Variants in DNAJC1 observed in about 807,000 individuals in gnomAD.
The protein encoded by DNAJC1 is DnaJ heat shock protein family (Hsp40) member C1, also known as dnaJ homolog subfamily C member 1.
Under a neutral mutation model 76.6 loss-of-function variants are expected in DNAJC1, and 58 were observed. The ratio of observed to expected loss-of-function variants is 0.76; its 90% CI spans 0.61 to 0.94. The LOEUF (loss-of-function observed/expected upper bound fraction) is 0.94, where lower values mean the gene tolerates loss of function less well. Ranked by LOEUF, DNAJC1 falls within the 40% of genes least tolerant of loss-of-function variation. The probability of loss-of-function intolerance (pLI) is 0.00; values close to 1 mark genes in which losing one functional copy is unlikely to be tolerated. For missense variants in DNAJC1, 689 were observed against 677.3 expected, an observed-to-expected ratio of 1.02 and a Z score of -0.19; for synonymous variants, 258 against 267.9, an observed-to-expected ratio of 0.96 and a Z score of 0.36.
intron 11 of DNAJC1, among the ~76,000 whole-genome samples, chr10:21,757,762 G>A (rs1834193264): frequency 6.6e-6 from 1 of 152,218 alleles, no homozygotes; most frequent in South Asian, 2.1e-4. Flanking sequence ...CCAGGCCCAG[G>A]CTCCGGGACA....
chr10:21,759,412 C>A lies in DNAJC1; in HGVS notation c.1354G>T (p.Glu452Ter). 1 of 1,614,172 alleles carries A rather than the reference C, an allele frequency of 6.2e-7. No individual in the cohort carries two copies. Among genetic ancestry groups the A allele is most frequent in the Non-Finnish European group, 8.5e-7 (1 of 1,180,038 alleles). Residue 452 changes from glutamate to a stop codon, truncating the protein, a stop_gained, in exon 11 of 12, where the codon GAG becomes TAG. Transcript: ENST00000376980. LOFTEE classifies it high-confidence loss of function. Reference protein sequence around the residue: ...PRRRKPARLLEATAKPEPEEK... With the variant: ...PRRRKPARLL ...TCTGGCTCCGGCTTCGCTGTAGCCT[C>A]CAGCAGCCTGGCTGGCTTCCGCCTC...
At chr10:21,769,740 G>A (rs114733774) in intron 9 of DNAJC1, among the ~76,000 whole-genome samples, 6,771 of 152,184 alleles carry the variant, frequency 0.044, 496 homozygotes, top group African/African-American at 0.15. Flanking sequence ...AGGCTGGAGT[G>A]CAATGGAGCG....
intron 8 of DNAJC1, among the ~76,000 whole-genome samples, chr10:21,820,741 T>C (rs1835145910): frequency 6.6e-6 from 1 of 152,228 alleles, no homozygotes; most frequent in South Asian, 2.1e-4. Flanking sequence ...GGGGTTCCCA[T>C]GACCCCCTCT....
intron 1 of DNAJC1, among the ~76,000 whole-genome samples, chr10:21,955,540 T>G (rs1454907137): frequency 6.6e-6 from 1 of 152,082 alleles, no homozygotes; most frequent in African/African-American, 2.4e-5. Flanking sequence ...TTCATTTTTC[T>G]AATAACAAAA....
chr10:21,882,233 C>T (rs375951584), intron 8 of DNAJC1, 49 bp downstream of exon 8: 12 of 1,526,134 alleles, frequency 7.9e-6, no homozygotes, highest in Admixed American at 4.5e-5. Flanking sequence ...ATTTTATGTG[C>T]TTTTCTGTAC....
At chr10:21,965,011 T>C (rs968107919) in intron 1 of DNAJC1, among the ~76,000 whole-genome samples, 1 of 152,192 alleles carries the variant, frequency 6.6e-6, no homozygotes, top group African/African-American at 2.4e-5. Flanking sequence ...TTGAAAATAC[T>C]GTATTGTATA....
intron 7 of DNAJC1, among the ~76,000 whole-genome samples, chr10:21,899,057 C>A (rs72806331): frequency 0.026 from 3,959 of 152,218 alleles, 73 homozygotes; most frequent in Non-Finnish European, 0.04. Context: ...GAACCCCCAA[C>A]CCCAGCCAAG....
intron 1 of DNAJC1, among the ~76,000 whole-genome samples, chr10:21,994,753 T>C (rs1838387208): frequency 1.3e-5 from 2 of 152,122 alleles, no homozygotes; most frequent in African/African-American, 4.8e-5. Flanking sequence ...ATCGCGCCAC[T>C]GCACTCCAGC....
intron 8 of DNAJC1, among the ~76,000 whole-genome samples, chr10:21,837,059 C>T (rs1211219251): frequency 9.9e-5 from 15 of 152,248 alleles, no homozygotes; most frequent in South Asian, 2.1e-4. Context: ...TGCAGGCGTG[C>T]GCCGCCACGC....
At chr10:21,824,072 G>A (rs1835203138) in intron 8 of DNAJC1, among the ~76,000 whole-genome samples, 1 of 152,124 alleles carries the variant, frequency 6.6e-6, no homozygotes, top group African/African-American at 2.4e-5. Context: ...TATGTTGAAT[G>A]AATGACTGGT....
intron 10 of DNAJC1, among the ~76,000 whole-genome samples, chr10:21,765,508 AC>A (rs1490575898): frequency 1.3e-5 from 2 of 152,116 alleles, no homozygotes; most frequent in African/African-American, 4.8e-5. Flanking sequence ...GAATATGGAG[AC>A]TCTAACAAAA....
chr10:21,848,006 T>G (rs1276768109), intron 8 of DNAJC1, among the ~76,000 whole-genome samples: 1 of 152,176 alleles, frequency 6.6e-6, no homozygotes, highest in African/African-American at 2.4e-5. Flanking sequence ...GGATGGTAGA[T>G]CTATTTGTAG....
In DNAJC1 at chr10:22,003,349, G is replaced by T; in HGVS notation, c.86C>A (p.Thr29Lys). The T allele has an allele frequency of 1.4e-5, 20 of 1,435,196 alleles. No individual in the cohort carries two copies. The highest frequency in any genetic ancestry group is 1.7e-5 in the Non-Finnish European group (19 of 1,098,246). 88.9% of individuals were successfully genotyped at this position (1,435,196 alleles called of 1,614,324 possible). Residue 29 changes from threonine to lysine, a missense_variant, in exon 1 of 12, where the codon ACG (threonine) becomes AAG (lysine). Thr to Lys is a moderately conservative substitution (Grantham distance 78, BLOSUM62 -1). Coordinates refer to ENST00000376980, the MANE Select transcript of DNAJC1 (RefSeq NM_022365.4). ...LVPFPPPPPR[T>K]PLLWLLLLLL... is the part of the protein sequence containing the mutation. Reference sequence around the variant, plus strand: ...CAGCAGCAGCAGCCACAGCAGCGGCGTCCGCGGCGGCGGCGGCGGGAACGG... The same window carrying T: ...CAGCAGCAGCAGCCACAGCAGCGGCTTCCGCGGCGGCGGCGGCGGGAACGG...
chr10:21,798,157 C>G (rs548284984), intron 9 of DNAJC1, among the ~76,000 whole-genome samples: 9 of 152,292 alleles, frequency 5.9e-5, no homozygotes, highest in South Asian at 2.1e-4. Flanking sequence ...AATTAACGTG[C>G]CTTTGTATAC....
chr10:21,866,464 T>A (rs1230728903), intron 8 of DNAJC1, among the ~76,000 whole-genome samples: 2 of 152,016 alleles, frequency 1.3e-5, no homozygotes, highest in Non-Finnish European at 1.5e-5. Context: ...ACTGCAACAC[T>A]TTATATAGTA....
chr10:21,935,806 T>C (rs1462194654), intron 1 of DNAJC1, among the ~76,000 whole-genome samples: 3 of 151,918 alleles, frequency 2.0e-5, no homozygotes, highest in Non-Finnish European at 1.5e-5. Context: ...GGCTAGATGG[T>C]AGTAAATTAA....
At chr10:21,975,417 A>C (rs1001117839) in intron 1 of DNAJC1, among the ~76,000 whole-genome samples, 16 of 152,178 alleles carry the variant, frequency 1.1e-4, no homozygotes, top group Non-Finnish European at 2.2e-4. Context: ...AGCTGGGGGA[A>C]AAAACATGAA....
chr10:21,956,431 TATTA>T (rs1389515324), intron 1 of DNAJC1, among the ~76,000 whole-genome samples: 1 of 152,032 alleles, frequency 6.6e-6, no homozygotes, highest in African/African-American at 2.4e-5. Context: ...AGAAAAAAAT[TATTA>T]ATTAACCATA....
intron 1 of DNAJC1, among the ~76,000 whole-genome samples, chr10:21,981,132 A>C (rs1206080019): frequency 6.6e-6 from 1 of 152,188 alleles, no homozygotes; most frequent in Non-Finnish European, 1.5e-5. Context: ...GTAAACAACT[A>C]AAACCTGAGT....
Sources: gnomAD v4.1 joint callset for allele counts (sites outside exome capture counted in the v4.1 genomes callset) on GRCh38, gnomAD v4.1.1 for gene constraint, MANE v1.5 for transcripts, NCBI Gene and HGNC (gene_info 2026-07-23, HGNC 2026-07-21) for gene names.